ANKRD13C: variants seen among roughly 807,000 people sequenced by gnomAD.
ANKRD13C encodes the protein ankyrin repeat domain-containing protein 13C.
Under a neutral mutation model 65.5 loss-of-function variants are expected in ANKRD13C, and 16 were observed. That is an observed-to-expected ratio of 0.24 (90% confidence interval 0.17 to 0.37). The LOEUF (loss-of-function observed/expected upper bound fraction) is 0.37, where lower values mean the gene tolerates loss of function less well. ANKRD13C is among the 10% of genes least tolerant of loss of function. ANKRD13C has a pLI of 1.00. For missense variants in ANKRD13C, 503 were observed against 655.9 expected (o/e 0.77, Z 2.55); for synonymous variants, 235 against 238.7 (o/e 0.98, Z 0.14).
At chr1:70,284,914 A>G (rs1029686773) in intron 9 of ANKRD13C, among the ~76,000 whole-genome samples, 1 of 152,208 alleles carries the variant, frequency 6.6e-6, no homozygotes, top group Admixed American at 6.5e-5. Flanking sequence ...TACGAAAGAC[A>G]TCCAATAAAT....
intron 9 of ANKRD13C, among the ~76,000 whole-genome samples, chr1:70,290,221 AT>A (rs1459679712): frequency 1.3e-5 from 2 of 151,986 alleles, no homozygotes; most frequent in Admixed American, 1.3e-4. Flanking sequence ...ATCTTTCTAA[AT>A]ATTAAAATGT....
intron 1 of ANKRD13C, among the ~76,000 whole-genome samples, chr1:70,351,397 A>G (rs1682737819): frequency 6.6e-6 from 1 of 151,994 alleles, no homozygotes; most frequent in Non-Finnish European, 1.5e-5. Flanking sequence ...TTATTTATTT[A>G]TTTTATTTTA....
intron 2 of ANKRD13C, among the ~76,000 whole-genome samples, chr1:70,331,779 C>CCCA (rs1681810288): frequency 6.7e-6 from 1 of 148,274 alleles, no homozygotes; most frequent in South Asian, 2.1e-4. Flanking sequence ...CCGAGATCAT[C>CCCA]CCACTGCACT....
At position 70,261,137 on chromosome 1, in the gene ANKRD13C, T is replaced by C. The variant is rs1678375642; in HGVS notation, c.*1580A>G. ...CAAAATTCAATAGGTCCATGTAACGTAGTAATTAGGTCTTTCAATTTTTTA... is the reference window on the plus strand; with the variant it reads ...CAAAATTCAATAGGTCCATGTAACGCAGTAATTAGGTCTTTCAATTTTTTA... On this transcript the variant is annotated 3_prime_UTR_variant, in exon 13 of 13. Coordinates refer to ENST00000370944, the MANE Select transcript of ANKRD13C (RefSeq NM_030816.5). 6.6e-6 allele frequency: 1 copy of C among 152,136 alleles called. No individual in the cohort carries two copies. The highest frequency in any genetic ancestry group is 1.5e-5 in the Non-Finnish European group (1 of 67,966). 9.4% of individuals were successfully genotyped at this position (152,136 alleles called of 1,614,324 possible). A position where few individuals can be genotyped will look rare whatever the true frequency, so the allele number is the denominator to read the frequency against.
Position 70,336,092 on chromosome 1 carries a change from A to C in ANKRD13C, c.438T>G (p.Thr146=). 1 of 773,026 alleles carries C rather than the reference A, an allele frequency of 1.3e-6. No individual in the cohort carries two copies. Among genetic ancestry groups the C allele is most frequent in the Non-Finnish European group, 1.8e-6 (1 of 556,290 alleles). The allele number at this position is 773,026 out of a possible 1,614,324, so 47.9% of individuals were successfully genotyped here. A position where few individuals can be genotyped will look rare whatever the true frequency, so the allele number is the denominator to read the frequency against. Reference sequence around the variant, plus strand: ...CTAACATCACAGCAAGGTGTAAAGGAGTATTTCCTAAAAAAAATAAAATAA... The same window carrying C: ...CTAACATCACAGCAAGGTGTAAAGGCGTATTTCCTAAAAAAAATAAAATAA... ...NIGQKDNHGN[T]PLHLAVMLGN... is the part of the protein sequence containing the mutation. Residue 146 remains threonine, a synonymous_variant, in exon 2 of 13, where the codon ACT becomes ACG. Coordinates refer to ENST00000370944, the MANE Select transcript of ANKRD13C (RefSeq NM_030816.5).
intron 8 of ANKRD13C, among the ~76,000 whole-genome samples, chr1:70,295,435 A>G (rs1367384427): frequency 6.6e-6 from 1 of 151,846 alleles, no homozygotes; most frequent in African/African-American, 2.4e-5. Context: ...TTTAGTAGAG[A>G]CAGGTTTTCA....
rs1191418661 is a variant in ANKRD13C at position 70,354,417 on chromosome 1, C to A, written c.-9G>T. ...ATCTTCTCCCCGGTCATCGCCGCCG[C>A]CAGGGGCAAGGGGGGGAATCGGGAG... On this transcript the variant is annotated 5_prime_UTR_variant, in exon 1 of 13. Transcript: ENST00000370944. The A allele has an allele frequency of 3.1e-6, 5 of 1,608,674 alleles. No individual in the cohort carries two copies. The South Asian group carries it at 5.5e-5, about 18-fold the overall frequency.
At chr1:70,344,821 T>G (rs1036530605) in intron 1 of ANKRD13C, among the ~76,000 whole-genome samples, 1 of 152,004 alleles carries the variant, frequency 6.6e-6, no homozygotes, top group African/African-American at 2.4e-5. Context: ...ATATTTATCA[T>G]ATTAGAAATT....
At chr1:70,301,198 C>CATATGTATATATAT (rs1184187144) in intron 6 of ANKRD13C, among the ~76,000 whole-genome samples, 4 of 151,258 alleles carry the variant, frequency 2.6e-5, no homozygotes, top group African/African-American at 9.7e-5. Context: ...TATATATACA[C>CATATGTATATATAT]ATACACACAC....
intron 6 of ANKRD13C, 44 bp from the exon 7 acceptor site, chr1:70,300,952 T>C (rs1680325902): frequency 6.4e-7 from 1 of 1,562,788 alleles, no homozygotes; most frequent in African/African-American, 1.4e-5. Flanking sequence ...AATATAATTT[T>C]GATAAAACTT....
In ANKRD13C at chr1:70,354,015, TGAG is replaced by T; in HGVS notation, c.391_393del (p.Leu131del). 6.4e-7 allele frequency: 1 copy of T among 1,551,302 alleles called. No homozygotes were observed. The highest frequency in any genetic ancestry group is 8.7e-7 in the Non-Finnish European group (1 of 1,148,508). The stretch of plus-strand genomic sequence containing the variant: ...TTCTGCCCGATATTGTGCGTGCGGA[TGAG>T]AGAGGAGAGTCTCCTCACATCCCCC... On this transcript the variant is annotated inframe_deletion, in exon 1 of 13. Transcript: ENST00000370944.
At chr1:70,337,002 T>C (rs1242290675) in intron 1 of ANKRD13C, among the ~76,000 whole-genome samples, 1 of 152,124 alleles carries the variant, frequency 6.6e-6, no homozygotes, top group Non-Finnish European at 1.5e-5. Context: ...ATTTCACATA[T>C]CAGCAATTTT....
At chr1:70,319,939 TA>T (rs1043813115) in intron 3 of ANKRD13C, among the ~76,000 whole-genome samples, 10 of 152,242 alleles carry the variant, frequency 6.6e-5, no homozygotes, top group African/African-American at 2.4e-4. Context: ...ATCTAGTAGG[TA>T]TTCAGAACAC....
chr1:70,260,604 C>T lies in ANKRD13C; in HGVS notation c.*2113G>A, dbSNP rs989464342. 1 of 152,052 alleles carries T rather than the reference C, an allele frequency of 6.6e-6. No individual in the cohort carries two copies. The highest frequency in any genetic ancestry group is 2.4e-5 in the African/African-American group (1 of 41,412). The allele number at this position is 152,052 out of a possible 1,614,324, so 9.4% of individuals were successfully genotyped here. A position where few individuals can be genotyped will look rare whatever the true frequency, so the allele number is the denominator to read the frequency against. ...CGAAAAATCTTCATTAAAAGTAATA[C>T]TGTGAAAAGTTTATTTGCATCGATT... On this transcript the variant is annotated 3_prime_UTR_variant, in exon 13 of 13. Coordinates refer to ENST00000370944, the MANE Select transcript of ANKRD13C (RefSeq NM_030816.5).
chr1:70,313,107 T>G (rs1167299842), intron 5 of ANKRD13C, among the ~76,000 whole-genome samples: 2 of 152,234 alleles, frequency 1.3e-5, no homozygotes, highest in Non-Finnish European at 2.9e-5. Flanking sequence ...CGTCCTTAAA[T>G]TCAGTAGTCC....
At chr1:70,343,481 GTA>G (rs1682396147) in intron 1 of ANKRD13C, among the ~76,000 whole-genome samples, 2 of 152,218 alleles carry the variant, frequency 1.3e-5, no homozygotes, top group Admixed American at 1.3e-4. Flanking sequence ...TTCTAACTTG[GTA>G]AACTAAATCG....
At chr1:70,317,980 G>C (rs996369964) in intron 3 of ANKRD13C, among the ~76,000 whole-genome samples, 14 of 152,086 alleles carry the variant, frequency 9.2e-5, no homozygotes, top group Non-Finnish European at 1.6e-4. Context: ...AAAGCTGAAG[G>C]CATTCAATAA....
chr1:70,307,828 A>G (rs1221578360), intron 5 of ANKRD13C, among the ~76,000 whole-genome samples: 2 of 152,142 alleles, frequency 1.3e-5, no homozygotes, highest in African/African-American at 4.8e-5. Flanking sequence ...AGGTACCTGT[A>G]GTCCTAGCTA....
intron 12 of ANKRD13C, among the ~76,000 whole-genome samples, chr1:70,264,109 G>A (rs892362923): frequency 1.3e-5 from 2 of 152,010 alleles, no homozygotes; most frequent in African/African-American, 4.8e-5. Flanking sequence ...GGCCTATTTT[G>A]GTAGGGCCCA....
Sources: allele counts gnomAD v4.1 joint callset (sites outside exome capture counted in the v4.1 genomes callset), GRCh38; gene constraint gnomAD v4.1.1; transcripts MANE v1.5; gene names NCBI Gene and HGNC (gene_info 2026-07-23, HGNC 2026-07-21).